CFAP299: variants seen among roughly 807,000 people sequenced by gnomAD.
The protein encoded by CFAP299 is cilia and flagella associated protein 299.
Under a neutral mutation model 27.0 loss-of-function variants are expected in CFAP299, and 21 were observed. That is an observed-to-expected ratio of 0.78 (90% CI 0.55 to 1.12). CFAP299 has a LOEUF of 1.12. Ranked by LOEUF, CFAP299 falls within the 50% of genes most tolerant of loss-of-function variation. The probability of loss-of-function intolerance (pLI) is 0.00; values close to 1 mark genes in which losing one functional copy is unlikely to be tolerated. For synonymous variants in CFAP299, 104 were observed against 98.1 expected (o/e 1.06, Z -0.36); for missense variants, 310 against 276.6 (o/e 1.12, Z -0.86).
At chr4:80,643,142 A>G (rs1739816320) in intron 3 of CFAP299, among the ~76,000 whole-genome samples, 1 of 152,110 alleles carries the variant, frequency 6.6e-6, no homozygotes, top group South Asian at 2.1e-4. Context: ...AAATAAATAA[A>G]TAAATACATG....
At chr4:80,930,429 A>C (rs535252382) in intron 4 of CFAP299, among the ~76,000 whole-genome samples, 1 of 152,320 alleles carries the variant, frequency 6.6e-6, no homozygotes, top group South Asian at 2.1e-4. Flanking sequence ...AGTTGGAAGC[A>C]CAGATAAAGC....
At chr4:80,726,691 C>T (rs1013084709) in intron 3 of CFAP299, among the ~76,000 whole-genome samples, 1 of 152,150 alleles carries the variant, frequency 6.6e-6, no homozygotes, top group Admixed American at 6.5e-5. Flanking sequence ...TGTTCTTTCC[C>T]TGATTTTCCA....
At chr4:80,511,026 G>A (rs888722880) in intron 2 of CFAP299, among the ~76,000 whole-genome samples, 1 of 152,182 alleles carries the variant, frequency 6.6e-6, no homozygotes, top group East Asian at 1.9e-4. Flanking sequence ...GATCCAATAG[G>A]AGTTTTTATT....
At chr4:80,612,264 AAAAT>A (rs1442225605) in intron 3 of CFAP299, among the ~76,000 whole-genome samples, 2 of 152,096 alleles carry the variant, frequency 1.3e-5, no homozygotes, top group Non-Finnish European at 2.9e-5. Context: ...GGAGAAAAAT[AAAAT>A]AGTAAACTGA....
chr4:80,343,936 A>C (rs1467292280), intron 1 of CFAP299, among the ~76,000 whole-genome samples: 1 of 152,120 alleles, frequency 6.6e-6, no homozygotes, highest in African/African-American at 2.4e-5. Context: ...TCAAGAAGCT[A>C]TTTGTAACTA....
chr4:80,553,834 T>C (rs1461750951), intron 2 of CFAP299, among the ~76,000 whole-genome samples: 1 of 152,120 alleles, frequency 6.6e-6, no homozygotes, highest in Non-Finnish European at 1.5e-5. Flanking sequence ...TTGCCCACTT[T>C]TTAATGGGGT....
intron 2 of CFAP299, among the ~76,000 whole-genome samples, chr4:80,572,524 T>TTTTTTTTTTTTG: frequency 7.7e-6 from 1 of 129,968 alleles, no homozygotes; most frequent in Non-Finnish European, 1.7e-5. Flanking sequence ...TTTTTTTTTT[T>TTTTTTTTTTTTG]TTTTTTTTTT....
At position 80,896,248 on chromosome 4, in the gene CFAP299, A is replaced by G. The variant is rs116310803; in HGVS notation, c.476+26113A>G. Among the ~76,000 whole-genome samples the G allele has an allele frequency of 6.8e-3, 1,038 of 152,282 alleles. 14 individuals carry two copies. The highest frequency in any genetic ancestry group is 0.05 in the South Asian group (240 of 4,834). On this transcript the variant is annotated intron_variant, in intron 4 of 5. Coordinates refer to ENST00000358105, the MANE Select transcript of CFAP299 (RefSeq NM_152770.3). ...TATGAAATAATATTTTAAAAATACC[A>G]AAATATCCAGAATGGTTATTTTGTA...
At chr4:80,826,733 G>T (rs1730009879) in intron 3 of CFAP299, among the ~76,000 whole-genome samples, 1 of 151,846 alleles carries the variant, frequency 6.6e-6, no homozygotes, top group African/African-American at 2.4e-5. Context: ...GAACATTACA[G>T]CCACTACCAA....
chr4:80,630,235 T>G (rs997394346), intron 3 of CFAP299, among the ~76,000 whole-genome samples: 1 of 152,160 alleles, frequency 6.6e-6, no homozygotes, highest in African/African-American at 2.4e-5. Flanking sequence ...TTTTCTTTTC[T>G]TGTGGTAGGG....
intron 2 of CFAP299, among the ~76,000 whole-genome samples, chr4:80,459,983 A>G (rs904006222): frequency 6.6e-6 from 1 of 152,210 alleles, no homozygotes; most frequent in African/African-American, 2.4e-5. Context: ...TATACAAAAT[A>G]TGAAAATTTA....
At chr4:80,324,148 C>T in the CFAP299 span, among the ~76,000 whole-genome samples, 10 of 152,174 alleles carry the variant, frequency 6.6e-5, no homozygotes, top group African/African-American at 1.2e-4. Context: ...CCCCCAACCC[C>T]TCGATAGGCC....
At chr4:80,768,381 G>T (rs1726018788) in intron 3 of CFAP299, among the ~76,000 whole-genome samples, 2 of 152,112 alleles carry the variant, frequency 1.3e-5, no homozygotes, top group Non-Finnish European at 2.9e-5. Flanking sequence ...AAAAAAATCA[G>T]TGGGAATATG....
chr4:80,468,907 C>T (rs2110113829), intron 2 of CFAP299, among the ~76,000 whole-genome samples: 1 of 150,720 alleles, frequency 6.6e-6, no homozygotes, highest in Admixed American at 6.6e-5. Flanking sequence ...AACTCATTGG[C>T]AAATGTGATT....
At chr4:80,787,579 A>G (rs1036334687) in intron 3 of CFAP299, among the ~76,000 whole-genome samples, 1 of 151,924 alleles carries the variant, frequency 6.6e-6, no homozygotes, top group Non-Finnish European at 1.5e-5. Flanking sequence ...CAAGGTAACC[A>G]CGGTTAGTAA....
chr4:80,353,875 G>T (rs565777704), intron 1 of CFAP299, among the ~76,000 whole-genome samples: 2 of 152,266 alleles, frequency 1.3e-5, no homozygotes, highest in East Asian at 3.9e-4. Context: ...TGTTTCAGCT[G>T]TGTCTTTTGG....
At chr4:80,470,942 C>T (rs1383585055) in intron 2 of CFAP299, among the ~76,000 whole-genome samples, 2 of 152,052 alleles carry the variant, frequency 1.3e-5, no homozygotes, top group African/African-American at 2.4e-5. Flanking sequence ...ATAAACTGAA[C>T]CTAATTATAA....
At chr4:80,439,074 C>T (rs773199413) in intron 2 of CFAP299, among the ~76,000 whole-genome samples, 19 of 152,210 alleles carry the variant, frequency 1.2e-4, no homozygotes, top group East Asian at 3.9e-4. Flanking sequence ...TGTTGTCTAG[C>T]GAAGACACTA....
intron 3 of CFAP299, among the ~76,000 whole-genome samples, chr4:80,761,159 T>C (rs1322738126): frequency 6.6e-6 from 1 of 152,204 alleles, no homozygotes; most frequent in Non-Finnish European, 1.5e-5. Context: ...TAATTGGTAT[T>C]ATTGCCTCAA....
Sources: allele counts gnomAD v4.1 joint callset (sites outside exome capture counted in the v4.1 genomes callset), GRCh38; gene constraint gnomAD v4.1.1; transcripts MANE v1.5; gene names NCBI Gene and HGNC (gene_info 2026-07-23, HGNC 2026-07-21).